NAV1: variants seen among roughly 807,000 people sequenced by gnomAD.
NAV1 encodes neuron navigator 1.
Under a neutral mutation model 175.2 loss-of-function variants are expected in NAV1, and 18 were observed. The ratio of observed to expected loss-of-function variants is 0.10; its 90% CI spans 0.07 to 0.15. The LOEUF is 0.15. Among genes scored for constraint, NAV1 ranks in the 10% least tolerant of loss-of-function variants. The pLI is 1.00. For synonymous variants in NAV1, 897 were observed against 978.7 expected (o/e 0.92, Z 1.56); for missense variants, 1,731 against 2,436.6 (o/e 0.71, Z 6.10).
chr1:201,605,593 A>AT (rs895154771), intron 2 of NAV1, among the ~76,000 whole-genome samples: 1 of 152,136 alleles, frequency 6.6e-6, no homozygotes, highest in African/African-American at 2.4e-5. Flanking sequence ...AGCCACGGGC[A>AT]TTTTTTGTTT....
intron 3 of NAV1, among the ~76,000 whole-genome samples, chr1:201,778,186 C>T (rs768169888): frequency 2.0e-5 from 3 of 152,148 alleles, no homozygotes; most frequent in South Asian, 2.1e-4. Context: ...AGGACCCAAA[C>T]GCTCTCCTAG....
At position 201,812,164 on chromosome 1, in the gene NAV1, C is replaced by G. The variant is rs534203345; in HGVS notation, c.5024+190C>G. 9.2e-5 allele frequency among the ~76,000 whole-genome samples: 14 copies of G among 152,300 alleles called. No homozygotes were observed. In the East Asian group the frequency reaches 2.7e-3, roughly 29 times the overall value. On this transcript the variant is annotated intron_variant, in intron 26 of 29. Transcript: ENST00000367296. The surrounding 1 kb of genome is among the most constrained non-coding windows in gnomAD (Gnocchi z 4.6). Reference sequence around the variant, plus strand: ...GGAGGACACTTGAGGAGAGAAAAGGCCTGCTAAGCTAAGAGAGAGCCAGGT... The same window carrying G: ...GGAGGACACTTGAGGAGAGAAAAGGGCTGCTAAGCTAAGAGAGAGCCAGGT...
chr1:201,778,280 G>T lies in NAV1; in HGVS notation c.1227-2141G>T, dbSNP rs530029809. On this transcript the variant is annotated intron_variant, in intron 3 of 29. Transcript: ENST00000367296. ...AAGGTTTCTTTTGGATTTCTGAGCT[G>T]CAGCAATCCTCTTTTTGCGAGGGTC... Among the ~76,000 whole-genome samples, 7 of 152,302 alleles carry T rather than the reference G, an allele frequency of 4.6e-5. 1 individual carries two copies. The South Asian group carries it at 1.2e-3, about 27-fold the overall frequency.
intron 3 of NAV1, among the ~76,000 whole-genome samples, chr1:201,739,060 A>AGGGGGGAGGAACCC (rs1673239501): frequency 1.3e-5 from 2 of 152,146 alleles, no homozygotes; most frequent in Admixed American, 1.3e-4. Context: ...GAGGACCCTC[A>AGGGGGGAGGAACCC]GGGGGGAGGA....
intron 3 of NAV1, among the ~76,000 whole-genome samples, chr1:201,726,648 C>CAAAA (rs369489372): frequency 2.7e-5 from 3 of 110,024 alleles, no homozygotes; most frequent in African/African-American, 6.8e-5. Context: ...AACTCCATCT[C>CAAAA]AAAAAAAAAA....
At chr1:201,785,882 TCCCA>T (rs1676712402) in intron 8 of NAV1, among the ~76,000 whole-genome samples, 3 of 132,840 alleles carry the variant, frequency 2.3e-5, no homozygotes, top group African/African-American at 8.5e-5. Context: ...AACCTCCACC[TCCCA>T]GATTCAAGCG....
At chr1:201,546,450 A>C (rs1451481028) in intron 1 of NAV1, among the ~76,000 whole-genome samples, 1 of 152,184 alleles carries the variant, frequency 6.6e-6, no homozygotes, top group Non-Finnish European at 1.5e-5. Context: ...CTATGGTGCA[A>C]GTTCCCCCAC....
Position 201,788,472 on chromosome 1 carries a change from T to C in NAV1, c.3000T>C (p.Ser1000=). 1 of 1,613,612 alleles carries C rather than the reference T, an allele frequency of 6.2e-7. No homozygotes were observed. Among genetic ancestry groups the C allele is most frequent in the Non-Finnish European group, 8.5e-7 (1 of 1,179,912 alleles). The change falls in exon 10 of 30, where the codon AGT becomes AGC. Residue 1000 remains serine, a synonymous_variant. Transcript: ENST00000367296. The surrounding 1 kb of genome is among the most constrained non-coding windows in gnomAD (Gnocchi z 5.7). ...CCCTTCCCTCTGTCCTTCCAGTGAG[T>C]CCCACTGCGGCCACCACGCCAAGAA...
intron 2 of NAV1, among the ~76,000 whole-genome samples, chr1:201,637,986 C>A (rs1668655190): frequency 6.6e-6 from 1 of 152,144 alleles, no homozygotes; most frequent in African/African-American, 2.4e-5. Context: ...TCTTTATTAG[C>A]CTGAGGAGCA....
At chr1:201,822,096 G>C (rs1044901009) in exon 30 of NAV1, 2 of 152,660 alleles carry the variant, frequency 1.3e-5, no homozygotes, top group African/African-American at 4.8e-5. Context: ...TGGATGACAG[G>C]GTTCTGTATG....
chr1:201,629,134 G>A (rs1395229329), intron 1 of NAV1, among the ~76,000 whole-genome samples: 1 of 152,182 alleles, frequency 6.6e-6, no homozygotes, highest in Non-Finnish European at 1.5e-5. Context: ...TGGGAAATGG[G>A]TAGACTGTAG....
upstream of NAV1, among the ~76,000 whole-genome samples, chr1:201,647,512 T>C (rs1669013092): frequency 2.0e-5 from 3 of 152,170 alleles, no homozygotes; most frequent in Non-Finnish European, 4.4e-5. Flanking sequence ...TCAATGACTT[T>C]GACAAGGTCA....
chr1:201,790,901 C>T, intron 13 of NAV1, 135 bp downstream of exon 17: 1 of 746,900 alleles, frequency 1.3e-6, no homozygotes, highest in Non-Finnish European at 2.2e-6. Context: ...TTCTTCACAG[C>T]TCTATGATAG....
At chr1:201,639,734 A>G (rs555361082) in intron 2 of NAV1, among the ~76,000 whole-genome samples, 18 of 152,098 alleles carry the variant, frequency 1.2e-4, no homozygotes, top group Non-Finnish European at 1.8e-4. Context: ...CCAGGACGAC[A>G]AAGCCCCGAG....
intron 3 of NAV1, among the ~76,000 whole-genome samples, chr1:201,779,430 T>G (rs988717646): frequency 2.9e-5 from 4 of 136,328 alleles, no homozygotes; most frequent in Non-Finnish European, 6.3e-5. Flanking sequence ...TGTCTCTACT[T>G]AAAAAAAAAA....
At chr1:201,773,700 A>G (rs1231419089) in intron 3 of NAV1, among the ~76,000 whole-genome samples, 4 of 152,188 alleles carry the variant, frequency 2.6e-5, no homozygotes, top group African/African-American at 7.2e-5. Context: ...TTTTTAGTGG[A>G]AATAGGGAAT....
chr1:201,573,326 C>CGTGTGT (rs149557758), intron 1 of NAV1, among the ~76,000 whole-genome samples: 1 of 150,768 alleles, frequency 6.6e-6, no homozygotes, highest in African/African-American at 2.5e-5. Context: ...TGTGTGTATG[C>CGTGTGT]GTGTGTGTGT....
At chr1:201,734,437 A>G (rs1571914328) in intron 3 of NAV1, among the ~76,000 whole-genome samples, 2 of 126,864 alleles carry the variant, frequency 1.6e-5, no homozygotes, top group Non-Finnish European at 3.6e-5. Flanking sequence ...AAGAAGAGGA[A>G]GAAGAAGAAG....
At chr1:201,650,811 AG>A (rs1669173785) in intron 1 of NAV1, among the ~76,000 whole-genome samples, 1 of 152,176 alleles carries the variant, frequency 6.6e-6, no homozygotes. Flanking sequence ...AGACTGGACA[AG>A]GGCAAAAGAA....
Sources: gnomAD v4.1 joint callset for allele counts (sites outside exome capture counted in the v4.1 genomes callset) on GRCh38, gnomAD v4.1.1 for gene constraint, Gnocchi (gnomAD v3.1) non-coding constraint, MANE v1.5 for transcripts, NCBI Gene and HGNC (gene_info 2026-07-23, HGNC 2026-07-21) for gene names.